The following PIP5K1A variants were observed in gnomAD, a reference collection of about 807,000 sequenced individuals.
PIP5K1A encodes the protein phosphatidylinositol 4-phosphate 5-kinase type-1 alpha.
PIP5K1A carries 46 observed loss-of-function variants against 72.9 expected under a neutral mutation model. That is an observed-to-expected ratio of 0.63 (90% CI 0.50 to 0.81). The LOEUF is 0.81. PIP5K1A is among the 30% of genes least tolerant of loss of function. The probability of loss-of-function intolerance (pLI) is 0.00; values close to 1 mark genes in which losing one functional copy is unlikely to be tolerated. For synonymous variants in PIP5K1A, 228 were observed against 255.1 expected, an observed-to-expected ratio of 0.89 and a Z score of 1.01; for missense variants, 458 against 706.1, an observed-to-expected ratio of 0.65 and a Z score of 3.98.
At chr1:151,207,620 C>T (rs1299948623) in intron 1 of PIP5K1A, among the ~76,000 whole-genome samples, 1 of 150,024 alleles carries the variant, frequency 6.7e-6, no homozygotes, top group African/African-American at 2.5e-5. Context: ...TGACCTCTGT[C>T]TTCCAGGTTC....
intron 5 of PIP5K1A, 104 bp from the exon 6 acceptor site, chr1:151,232,144 C>T (rs1690170787): frequency 2.6e-6 from 2 of 775,780 alleles, no homozygotes; most frequent in Admixed American, 1.9e-5. Flanking sequence ...GGAATGTATT[C>T]CCCCACTCCC....
chr1:151,212,180 C>T (rs1040851693), intron 1 of PIP5K1A, among the ~76,000 whole-genome samples: 5 of 151,604 alleles, frequency 3.3e-5, no homozygotes, highest in Admixed American at 6.6e-5. Context: ...GTGGCTGGTG[C>T]GGTAGCTTAA....
chr1:151,198,956 T>A lies in PIP5K1A; in HGVS notation c.-41T>A. 1 of 1,578,588 alleles carries A rather than the reference T, an allele frequency of 6.3e-7. No individual in the cohort carries two copies. The highest frequency in any genetic ancestry group is 8.7e-7 in the Non-Finnish European group (1 of 1,148,456). ...ATTCCGAGAAGAGGAAGAACCGGAT[T>A]GAAAGAGAGCCAGGCCGCTGAGGGG... On this transcript the variant is annotated 5_prime_UTR_variant, in exon 1 of 16. Transcript: ENST00000368888.
chr1:151,223,867 T>TAATC (rs1688742968), intron 1 of PIP5K1A: 1 of 196,012 alleles, frequency 5.1e-6, no homozygotes, highest in Admixed American at 5.5e-5. Context: ...GAGGCGCCTG[T>TAATC]AATCCCTGCT....
At chr1:151,196,428 A>C (rs1051603949), upstream of PIP5K1A, among the ~76,000 whole-genome samples, 1 of 152,156 alleles carries the variant, frequency 6.6e-6, no homozygotes, top group Non-Finnish European at 1.5e-5. Context: ...GGAATTACAA[A>C]CAAGATTTTG....
At chr1:151,219,132 G>A (rs1383786607) in intron 1 of PIP5K1A, among the ~76,000 whole-genome samples, 1 of 152,198 alleles carries the variant, frequency 6.6e-6, no homozygotes, top group Non-Finnish European at 1.5e-5. Flanking sequence ...TATAATCCCA[G>A]CACTTTGGAA....
chr1:151,220,033 T>C (rs1277073449), intron 1 of PIP5K1A, among the ~76,000 whole-genome samples: 1 of 151,804 alleles, frequency 6.6e-6, no homozygotes, highest in East Asian at 1.9e-4. Context: ...TGAGACAGAG[T>C]GTTGCTCTGT....
chr1:151,196,379 A>T (rs1684556327), upstream of PIP5K1A, among the ~76,000 whole-genome samples: 1 of 152,068 alleles, frequency 6.6e-6, no homozygotes, highest in Non-Finnish European at 1.5e-5. Flanking sequence ...GGTACAGGGA[A>T]TTATAAAATA....
Position 151,227,401 on chromosome 1 carries a change from G to C in PIP5K1A, c.237+1G>C. Reference sequence around the variant, plus strand: ...CTCAGGAGAGACAACATATAAAAAGGTGTGTCTGGATGAAACCGTCTCATC... The same window carrying C: ...CTCAGGAGAGACAACATATAAAAAGCTGTGTCTGGATGAAACCGTCTCATC... On this transcript the variant is annotated splice_donor_variant, in intron 4 of 15. Transcript: ENST00000368888. LOFTEE classifies it high-confidence loss of function. The C allele has an allele frequency of 6.2e-7, 1 of 1,604,370 alleles. No individual in the cohort carries two copies. The highest frequency in any genetic ancestry group is 8.5e-7 in the Non-Finnish European group (1 of 1,171,458).
At chr1:151,202,988 C>CA (rs776805887) in intron 1 of PIP5K1A, among the ~76,000 whole-genome samples, 51 of 151,488 alleles carry the variant, frequency 3.4e-4, no homozygotes, top group Non-Finnish European at 5.9e-4. Flanking sequence ...AGGCTGGTCT[C>CA]AAACTCCTGA....
intron 14 of PIP5K1A, 149 bp from the exon 15 acceptor site, chr1:151,246,771 A>G (rs938657049): frequency 2.2e-5 from 13 of 592,462 alleles, no homozygotes; most frequent in African/African-American, 5.6e-5. Context: ...GTGCTTCTAA[A>G]TCTAGTAGCT....
At chr1:151,205,212 C>G (rs764701196) in intron 1 of PIP5K1A, among the ~76,000 whole-genome samples, 4 of 152,214 alleles carry the variant, frequency 2.6e-5, no homozygotes, top group East Asian at 3.9e-4. Flanking sequence ...GTCGCCCAGG[C>G]TACAGACCAG....
chr1:151,214,131 T>G (rs1358112614), intron 1 of PIP5K1A, among the ~76,000 whole-genome samples: 1 of 152,164 alleles, frequency 6.6e-6, no homozygotes, highest in Non-Finnish European at 1.5e-5. Flanking sequence ...TAGTGTTTGA[T>G]TTTATGACTG....
rs1691844355 is a variant in PIP5K1A at position 151,242,234 on chromosome 1, A to C, written c.1475A>C (p.Lys492Thr). The C allele has an allele frequency of 6.2e-7, 1 of 1,614,004 alleles. No individual in the cohort carries two copies. Among genetic ancestry groups the C allele is most frequent in the South Asian group, 1.1e-5 (1 of 91,082 alleles). ...TYQPSVSGEH[K>T]AQVTTKAEVE... is the part of the protein sequence containing the mutation. Reference sequence around the variant, plus strand: ...CAGCCATCGGTCTCTGGGGAACACAAGGCACAAGTGACAACAAAGGCAGAA... The same window carrying C: ...CAGCCATCGGTCTCTGGGGAACACACGGCACAAGTGACAACAAAGGCAGAA... The change falls in exon 13 of 16, where the codon AAG becomes ACG. Residue 492 changes from lysine to threonine, a missense_variant. Lys to Thr is a moderately conservative substitution (Grantham distance 78). Transcript: ENST00000368888.
chr1:151,215,875 T>C lies in PIP5K1A; in HGVS notation c.86-8370T>C, dbSNP rs191122636. ...AGGTCCAGTTCATAATTTTAAACTT[T>C]AGAGTTTTAAAAACATGTATGCTTA... On this transcript the variant is annotated intron_variant, in intron 1 of 15. Coordinates refer to ENST00000368888, the MANE Select transcript of PIP5K1A (RefSeq NM_001135638.2). 2.0e-4 allele frequency: 132 copies of C among 646,484 alleles called. No homozygotes were observed. In the Admixed American group the frequency reaches 3.0e-3, roughly 14 times the overall value. The allele number at this position is 646,484 out of a possible 1,614,324, so 40.0% of individuals were successfully genotyped here.
intron 4 of PIP5K1A, among the ~76,000 whole-genome samples, chr1:151,228,214 TA>T (rs587688566): frequency 1.3e-5 from 2 of 152,198 alleles, no homozygotes; most frequent in South Asian, 4.2e-4. Context: ...CATTGGCCGG[TA>T]GCAGGAGGCT....
intron 1 of PIP5K1A, among the ~76,000 whole-genome samples, chr1:151,202,651 T>G (rs899075191): frequency 1.6e-4 from 25 of 151,922 alleles, no homozygotes; most frequent in Admixed American, 1.3e-4. Flanking sequence ...TGTATTTTAG[T>G]AGAGACAGGG....
intron 1 of PIP5K1A, among the ~76,000 whole-genome samples, chr1:151,207,782 G>A (rs890867007): frequency 2.6e-5 from 4 of 151,392 alleles, no homozygotes; most frequent in South Asian, 2.1e-4. Context: ...TGCCTGCATC[G>A]GCCTCCCAAA....
intron 1 of PIP5K1A, among the ~76,000 whole-genome samples, chr1:151,222,308 T>A (rs940560372): frequency 6.6e-6 from 1 of 152,192 alleles, no homozygotes; most frequent in African/African-American, 2.4e-5. Flanking sequence ...TGCGTGCTCT[T>A]GGAATTAGTC....
Sources: allele counts gnomAD v4.1 joint callset (sites outside exome capture counted in the v4.1 genomes callset), GRCh38; gene constraint gnomAD v4.1.1; transcripts MANE v1.5; gene names NCBI Gene and HGNC (gene_info 2026-07-23, HGNC 2026-07-21).